Variants in SLCO1A2 observed in about 807,000 individuals in gnomAD.
SLCO1A2 encodes OATP-1.
In SLCO1A2, 67 loss-of-function variants were observed where a neutral mutation model predicts 69.0. That is an observed-to-expected ratio of 0.97 (90% CI 0.80 to 1.19). SLCO1A2 has a LOEUF of 1.19. SLCO1A2 is among the 50% of genes most tolerant of loss of function. SLCO1A2 has a pLI of 0.00. For missense variants in SLCO1A2, 787 were observed against 793.7 expected, an observed-to-expected ratio of 0.99 and a Z score of 0.10; for synonymous variants, 260 against 265.9, an observed-to-expected ratio of 0.98 and a Z score of 0.22.
intron 1 of SLCO1A2, among the ~76,000 whole-genome samples, chr12:21,416,342 C>CT (rs770148144): frequency 2.2e-5 from 3 of 137,616 alleles, no homozygotes; most frequent in Non-Finnish European, 4.7e-5. Flanking sequence ...TGAAGATTCA[C>CT]TATAGAATCT....
At chr12:21,370,714 C>T (rs1939722922) in intron 2 of SLCO1A2, among the ~76,000 whole-genome samples, 3 of 152,054 alleles carry the variant, frequency 2.0e-5, no homozygotes, top group African/African-American at 7.2e-5. Flanking sequence ...AGGTAATAAG[C>T]AAGTATTTTT....
intron 14 of SLCO1A2, among the ~76,000 whole-genome samples, chr12:21,272,673 C>A (rs1270107145): frequency 6.6e-6 from 1 of 151,978 alleles, no homozygotes; most frequent in Non-Finnish European, 1.5e-5. Context: ...ATCTATCTAT[C>A]TCTTACAAAC....
intron 1 of SLCO1A2, among the ~76,000 whole-genome samples, chr12:21,380,316 G>T (rs1395308435): frequency 6.6e-6 from 1 of 152,008 alleles, no homozygotes; most frequent in Non-Finnish European, 1.5e-5. Flanking sequence ...CATGTTCAAG[G>T]ACATTGCCTA....
rs61264547 is a variant in SLCO1A2 at position 21,305,599 on chromosome 12, T to G, written c.443-1026A>C. On this transcript the variant is annotated intron_variant, in intron 5 of 14. Transcript: ENST00000683939. Reference sequence around the variant, plus strand: ...TCTAGGGCAAAATTGAAAGCATCAATCCACCTTCCTGGAGATGTGCCAGAA... The same window carrying G: ...TCTAGGGCAAAATTGAAAGCATCAAGCCACCTTCCTGGAGATGTGCCAGAA... Among the ~76,000 whole-genome samples the G allele has an allele frequency of 5.8e-3, 877 of 152,342 alleles. 15 individuals carry two copies. The highest frequency in any genetic ancestry group is 0.02 in the African/African-American group (840 of 41,590).
intron 2 of SLCO1A2, among the ~76,000 whole-genome samples, chr12:21,362,680 G>C (rs1939015451): frequency 6.6e-6 from 1 of 152,098 alleles, no homozygotes. Flanking sequence ...ACACGCATAG[G>C]CTCAAAATAA....
chr12:21,334,067 G>C (rs966050563), intron 2 of SLCO1A2, among the ~76,000 whole-genome samples: 1 of 151,684 alleles, frequency 6.6e-6, no homozygotes, highest in Non-Finnish European at 1.5e-5. Context: ...TTTGAAGCTA[G>C]AAAACAGAAT....
At chr12:21,316,644 T>C (rs1950904421) in intron 3 of SLCO1A2, among the ~76,000 whole-genome samples, 1 of 152,120 alleles carries the variant, frequency 6.6e-6, no homozygotes, top group African/African-American at 2.4e-5. Flanking sequence ...TTCCTTCTCT[T>C]AACATAGACT....
At chr12:21,289,991 A>G (rs1467037814) in intron 12 of SLCO1A2, among the ~76,000 whole-genome samples, 1 of 149,880 alleles carries the variant, frequency 6.7e-6, no homozygotes, top group African/African-American at 2.5e-5. Context: ...TGAATAGAGA[A>G]ACCGTTTGTT....
At chr12:21,324,173 G>A (rs1009022809) in intron 2 of SLCO1A2, among the ~76,000 whole-genome samples, 10 of 152,108 alleles carry the variant, frequency 6.6e-5, no homozygotes, top group East Asian at 1.9e-4. Context: ...ACTATAATCC[G>A]CTATCTCTTT....
intron 10 of SLCO1A2, chr12:21,294,540 T>C (rs904375206): frequency 6.6e-6 from 1 of 152,514 alleles, no homozygotes; most frequent in African/African-American, 2.4e-5. Context: ...CATAGGTATT[T>C]GAATTAAAGA....
At chr12:21,293,887 T>C in intron 11 of SLCO1A2, 58 bp downstream of exon 11, 1 of 1,432,948 alleles carries the variant, frequency 7.0e-7, no homozygotes, top group Non-Finnish European at 9.4e-7. Flanking sequence ...TAGGCCCAGT[T>C]CATAGTTGGG....
At chr12:21,395,746 C>A (rs955969097), upstream of SLCO1A2, among the ~76,000 whole-genome samples, 127 of 151,626 alleles carry the variant, frequency 8.4e-4, no homozygotes, top group Middle Eastern at 3.4e-3. Flanking sequence ...CTGGGAGGCA[C>A]CCCCCAGCAG....
At chr12:21,331,907 G>A (rs981077046) in intron 2 of SLCO1A2, among the ~76,000 whole-genome samples, 2 of 151,998 alleles carry the variant, frequency 1.3e-5, no homozygotes, top group African/African-American at 4.8e-5. Context: ...GAGTGGGTGG[G>A]GGCTCCCAGG....
At chr12:21,307,056 ATTGTTACC>A (rs1350292058) in intron 4 of SLCO1A2, 68 bp from the exon 5 acceptor site, 5 of 1,067,044 alleles carry the variant, frequency 4.7e-6, no homozygotes, top group Non-Finnish European at 7.1e-6. Context: ...CAATGTGCAG[ATTGTTACC>A]TTCTGCTTCC....
At position 21,295,794 on chromosome 12, in the gene SLCO1A2, T is replaced by G. The variant is rs776489569; in HGVS notation, c.1076-2A>C. The G allele has an allele frequency of 2.8e-6, 4 of 1,406,566 alleles. No homozygotes were observed. The highest frequency in any genetic ancestry group is 4.0e-6 in the Non-Finnish European group (4 of 1,004,818). The allele number at this position is 1,406,566 out of a possible 1,614,324, so 87.1% of individuals were successfully genotyped here. A position where few individuals can be genotyped will look rare whatever the true frequency, so the allele number is the denominator to read the frequency against. On this transcript the variant is annotated splice_acceptor_variant, in intron 9 of 14. Coordinates refer to ENST00000683939, the MANE Select transcript of SLCO1A2 (RefSeq NM_001386879.1). LOFTEE classifies it high-confidence loss of function. ...ATATTGGAGGTAAGTTATAAATACC[T>G]ATAAATGCAAATAAAATATTATTTA...
At chr12:21,386,679 C>T (rs528088735) in intron 1 of SLCO1A2, among the ~76,000 whole-genome samples, 2 of 152,038 alleles carry the variant, frequency 1.3e-5, no homozygotes, top group Admixed American at 1.3e-4. Flanking sequence ...TACCCAGTCT[C>T]AGGTATTTCT....
intron 9 of SLCO1A2, among the ~76,000 whole-genome samples, 151 bp downstream of exon 9, chr12:21,297,229 CCTTCTTTCTTTCTTTCTTTCTCTT>C (rs1278524544): frequency 1.6e-5 from 2 of 125,082 alleles, no homozygotes; most frequent in African/African-American, 3.6e-5. Context: ...TTCTTTCCTT[CCTTCTTTCTTTCTTTCTTTCTCTT>C]TCTTTCTTTC....
At chr12:21,322,828 T>C (rs1266266682) in intron 2 of SLCO1A2, among the ~76,000 whole-genome samples, 1 of 152,124 alleles carries the variant, frequency 6.6e-6, no homozygotes, top group East Asian at 1.9e-4. Flanking sequence ...AGAGGAAGGG[T>C]CCATTCAGAT....
upstream of SLCO1A2, among the ~76,000 whole-genome samples, chr12:21,418,604 C>T (rs2137215431): frequency 2.0e-5 from 3 of 152,254 alleles, no homozygotes; most frequent in South Asian, 6.2e-4. Flanking sequence ...ATAAAACCAT[C>T]AGATCTCATG....
Sources: gnomAD v4.1 joint callset for allele counts (sites outside exome capture counted in the v4.1 genomes callset) on GRCh38, gnomAD v4.1.1 for gene constraint, MANE v1.5 for transcripts, NCBI Gene and HGNC (gene_info 2026-07-23, HGNC 2026-07-21) for gene names.